Variants in NBEAL1 observed in about 807,000 individuals in gnomAD.
NBEAL1 encodes neurobeachin like 1, also known as neurobeachin-like protein 1.
A neutral mutation model predicts 351.3 loss-of-function variants in NBEAL1; 273 were observed. That is an observed-to-expected ratio of 0.78 (90% CI 0.70 to 0.86). NBEAL1 has a LOEUF of 0.86. NBEAL1 is among the 40% of genes least tolerant of loss of function. NBEAL1 has a pLI of 0.00. For synonymous variants in NBEAL1, 1,050 were observed against 1,086.4 expected (o/e 0.97, Z 0.66); for missense variants, 2,961 against 3,201.3 (o/e 0.92, Z 1.81).
intron 15 of NBEAL1, 49 bp from the exon 16 acceptor site, chr2:203,111,930 A>G (rs2062581750): frequency 1.3e-6 from 2 of 1,523,684 alleles, no homozygotes; most frequent in East Asian, 2.5e-5. Flanking sequence ...TTGTCATTCC[A>G]AAGACATAAT....
At chr2:203,040,434 A>G in intron 2 of NBEAL1, 1 of 720,070 alleles carries the variant, frequency 1.4e-6, no homozygotes, top group Non-Finnish European at 2.6e-6. Context: ...CCGTTGTAAG[A>G]CTTCGCCTGA....
At chr2:203,148,628 T>G (rs545272158) in intron 33 of NBEAL1, among the ~76,000 whole-genome samples, 1 of 152,198 alleles carries the variant, frequency 6.6e-6, no homozygotes, top group African/African-American at 2.4e-5. Context: ...TCATTTTAGA[T>G]GCCTTATAAA....
chr2:203,136,824 G>A, intron 29 of NBEAL1, 50 bp downstream of exon 29: 1 of 1,496,454 alleles, frequency 6.7e-7, no homozygotes, highest in East Asian at 2.3e-5. Context: ...GACAGCAGGA[G>A]TCTAAAATAA....
chr2:203,191,110 A>G, intron 46 of NBEAL1: 1 of 1,598,102 alleles, frequency 6.3e-7, no homozygotes, highest in Admixed American at 1.7e-5. Flanking sequence ...TGAGATCGTC[A>G]ACATTGTTCG....
intron 7 of NBEAL1, among the ~76,000 whole-genome samples, chr2:203,076,589 CT>C (rs369481909): frequency 5.8e-4 from 63 of 109,214 alleles, no homozygotes; most frequent in African/African-American, 1.7e-3. Context: ...GTACTATGTA[CT>C]TTTTTTTTTT....
chr2:203,157,256 C>A (rs1032044798), intron 35 of NBEAL1, among the ~76,000 whole-genome samples: 2 of 152,204 alleles, frequency 1.3e-5, no homozygotes, highest in South Asian at 4.1e-4. Context: ...TAAACACTTT[C>A]GCTCTTGGTC....
chr2:203,172,910 A>AT (rs994924891), intron 41 of NBEAL1, 57 bp downstream of exon 41: 26 of 1,483,140 alleles, frequency 1.8e-5, no homozygotes, highest in Admixed American at 1.6e-4. Flanking sequence ...ATTTGTATTG[A>AT]TTTTTTACTA....
chr2:203,061,105 A>G (rs566496823), intron 6 of NBEAL1, among the ~76,000 whole-genome samples: 8 of 152,354 alleles, frequency 5.3e-5, no homozygotes, highest in African/African-American at 1.7e-4. Flanking sequence ...GACTTCTTAC[A>G]TATTTCAAGG....
rs773350712 is a variant in NBEAL1 at position 203,208,683 on chromosome 2, A to G, written c.7553A>G (p.Tyr2518Cys). Residue 2518 changes from tyrosine (Y) to cysteine (C), a missense_variant, in exon 52 of 56, where the codon TAT (tyrosine) becomes TGT (cysteine). By Grantham distance (194) the Tyr-to-Cys change is radical. Transcript: ENST00000683969. ...GCATCTAAACCTTTTCAGATTCTTT[A>G]TGGACACACCAACGAGGTACTGAGT... ...GLASKPFQIL[Y>C]GHTNEVLSVG... The G allele has an allele frequency of 6.2e-6, 10 of 1,612,768 alleles. No homozygotes were observed. Among genetic ancestry groups the G allele is most frequent in the Non-Finnish European group, 8.5e-6 (10 of 1,179,720 alleles).
chr2:203,113,215 C>T lies in NBEAL1; in HGVS notation c.2403C>T (p.Asp801=). ...ITKLISAGTQ[D]SEWGCPTSLE... is the part of the protein sequence containing the mutation. ...AATTGATATCAGCTGGAACCCAAGA[C>T]AGTGAATGGGGGTGTCCCACATCTC... Residue 801 remains aspartate, a synonymous_variant, in exon 17 of 56, where the codon GAC becomes GAT. Coordinates refer to ENST00000683969, the MANE Select transcript of NBEAL1 (RefSeq NM_001378026.1). The T allele has an allele frequency of 1.9e-6, 3 of 1,545,676 alleles. No homozygotes were observed. The highest frequency in any genetic ancestry group is 2.6e-6 in the Non-Finnish European group (3 of 1,143,986).
At chr2:203,057,193 T>G (rs2061418599) in intron 5 of NBEAL1, 133 bp from the exon 6 acceptor site, 12 of 619,462 alleles carry the variant, frequency 1.9e-5, no homozygotes, top group Non-Finnish European at 2.7e-5. Context: ...AAAATCTTAG[T>G]GGCTGTATCC....
chr2:203,134,209 A>G (rs979509211), intron 27 of NBEAL1, among the ~76,000 whole-genome samples: 3 of 152,184 alleles, frequency 2.0e-5, no homozygotes, highest in Non-Finnish European at 4.4e-5. Context: ...CAGGTCATAT[A>G]AATTGATCCT....
intron 23 of NBEAL1, among the ~76,000 whole-genome samples, chr2:203,127,534 C>T (rs1454014444): frequency 1.3e-5 from 2 of 152,014 alleles, no homozygotes; most frequent in East Asian, 1.9e-4. Context: ...CCAGCCTGGC[C>T]AACATGGTGA....
At chr2:203,029,445 A>G (rs1193429731) in intron 2 of NBEAL1, among the ~76,000 whole-genome samples, 1 of 152,258 alleles carries the variant, frequency 6.6e-6, no homozygotes, top group Non-Finnish European at 1.5e-5. Flanking sequence ...TCAGACCTGG[A>G]ACTTTATTAG....
intron 12 of NBEAL1, among the ~76,000 whole-genome samples, chr2:203,100,823 C>G (rs1407930606): frequency 6.6e-6 from 1 of 152,156 alleles, no homozygotes; most frequent in Non-Finnish European, 1.5e-5. Context: ...ACTGGGATTA[C>G]AGGCATGAAC....
At chr2:203,153,971 C>T (rs1209430733) in intron 35 of NBEAL1, among the ~76,000 whole-genome samples, 1 of 151,732 alleles carries the variant, frequency 6.6e-6, no homozygotes, top group Non-Finnish European at 1.5e-5. Flanking sequence ...GTGAGCCGGG[C>T]GTGGTGGCTC....
intron 6 of NBEAL1, among the ~76,000 whole-genome samples, chr2:203,058,155 A>C (rs1347791802): frequency 6.6e-6 from 1 of 151,942 alleles, no homozygotes; most frequent in Non-Finnish European, 1.5e-5. Flanking sequence ...TTAACTGTAG[A>C]GCTTCTGTCA....
chr2:203,040,530 A>T, intron 2 of NBEAL1: 1 of 670,590 alleles, frequency 1.5e-6, no homozygotes, highest in Non-Finnish European at 2.8e-6. Context: ...TGACCTGGGG[A>T]TTTCCAAATC....
intron 27 of NBEAL1, 129 bp downstream of exon 27, chr2:203,133,275 C>CA (rs1449594990): frequency 1.2e-5 from 5 of 433,482 alleles, no homozygotes; most frequent in African/African-American, 2.1e-5. Context: ...TATAAGTAAA[C>CA]AATTTTCTTT....
Sources: gnomAD v4.1 joint callset for allele counts (sites outside exome capture counted in the v4.1 genomes callset) on GRCh38, gnomAD v4.1.1 for gene constraint, MANE v1.5 for transcripts, NCBI Gene and HGNC (gene_info 2026-07-23, HGNC 2026-07-21) for gene names.